HS6ST3: variants seen among roughly 807,000 people sequenced by gnomAD.
HS6ST3 encodes heparan sulfate 6-O-sulfotransferase 3, also known as heparan-sulfate 6-O-sulfotransferase 3.
In HS6ST3, 12 loss-of-function variants were observed where a neutral mutation model predicts 36.7. The ratio of observed to expected loss-of-function variants is 0.33; its 90% CI spans 0.21 to 0.53. The LOEUF (loss-of-function observed/expected upper bound fraction) is 0.53, where lower values mean the gene tolerates loss of function less well. Among genes scored for constraint, HS6ST3 ranks in the 20% least tolerant of loss-of-function variants. The probability of loss-of-function intolerance (pLI) is 0.95; values close to 1 mark genes in which losing one functional copy is unlikely to be tolerated. For synonymous variants in HS6ST3, 240 were observed against 257.5 expected (o/e 0.93, Z 0.65); for missense variants, 584 against 640.9 (o/e 0.91, Z 0.96).
intron 1 of HS6ST3, among the ~76,000 whole-genome samples, chr13:96,819,073 GA>G (rs1462304190): frequency 1.3e-5 from 2 of 152,186 alleles, no homozygotes; most frequent in Non-Finnish European, 2.9e-5. Flanking sequence ...CCACTATTTT[GA>G]AAACTAGTAA....
intron 1 of HS6ST3, among the ~76,000 whole-genome samples, chr13:96,643,097 T>A (rs974512717): frequency 6.6e-6 from 1 of 152,010 alleles, no homozygotes; most frequent in African/African-American, 2.4e-5. Flanking sequence ...CTTTTCTGAG[T>A]AAATTCTATA....
chr13:96,276,030 C>G (rs568470039), intron 1 of HS6ST3, among the ~76,000 whole-genome samples: 1 of 152,088 alleles, frequency 6.6e-6, no homozygotes, highest in Non-Finnish European at 1.5e-5. Context: ...TCCCATCATG[C>G]CTTGCCTCTC....
chr13:96,094,609 T>C (rs2053781113), intron 1 of HS6ST3, among the ~76,000 whole-genome samples: 1 of 152,094 alleles, frequency 6.6e-6, no homozygotes, highest in Admixed American at 6.5e-5. Flanking sequence ...AAAAACTATC[T>C]GGAATGGTGA....
chr13:96,243,587 G>A (rs2054571399), intron 1 of HS6ST3, among the ~76,000 whole-genome samples: 1 of 152,316 alleles, frequency 6.6e-6, no homozygotes, highest in South Asian at 2.1e-4. Context: ...AATAGCTGCT[G>A]TGTGTGTCAT....
At chr13:96,255,628 G>C (rs778992535) in intron 1 of HS6ST3, among the ~76,000 whole-genome samples, 1 of 152,122 alleles carries the variant, frequency 6.6e-6, no homozygotes, top group Non-Finnish European at 1.5e-5. Flanking sequence ...AGGAGATTCA[G>C]CAGGCAATTA....
chr13:96,349,526 T>TA (rs2055171942), intron 1 of HS6ST3, among the ~76,000 whole-genome samples: 1 of 152,214 alleles, frequency 6.6e-6, no homozygotes, highest in East Asian at 1.9e-4. Flanking sequence ...AGGGATATAA[T>TA]ACTTCAACCT....
chr13:96,113,317 C>A (rs2053879435), intron 1 of HS6ST3, among the ~76,000 whole-genome samples: 1 of 152,136 alleles, frequency 6.6e-6, no homozygotes, highest in Admixed American at 6.5e-5. Context: ...TGAGCAGGAG[C>A]TCAGTGACTT....
rs1318526673 is a variant in HS6ST3, at chr13:96,833,961, G to T, written c.*763G>T. On this transcript the variant is annotated 3_prime_UTR_variant, in exon 2 of 2. Transcript: ENST00000376705. ...CATTTAAGAGAAAACTTGCTTATTT[G>T]CTAATGCCTAAAGGGGTCTCACTTT... 1.3e-5 allele frequency: 2 copies of T among 152,060 alleles called. No homozygotes were observed. Among genetic ancestry groups the T allele is most frequent in the East Asian group, 3.8e-4 (2 of 5,198 alleles). The allele number at this position is 152,060 out of a possible 1,614,324, so 9.4% of individuals were successfully genotyped here. A position where few individuals can be genotyped will look rare whatever the true frequency, so the allele number is the denominator to read the frequency against.
chr13:96,099,525 A>G (rs76733906), intron 1 of HS6ST3, among the ~76,000 whole-genome samples: 1,663 of 152,350 alleles, frequency 0.011, 39 homozygotes, highest in African/African-American at 0.038. Flanking sequence ...TTAAACATAT[A>G]CAATTAAATT....
chr13:96,738,066 A>G (rs1306552649), intron 1 of HS6ST3, among the ~76,000 whole-genome samples: 1 of 152,202 alleles, frequency 6.6e-6, no homozygotes, highest in Non-Finnish European at 1.5e-5. Flanking sequence ...ATATAGTCAC[A>G]GGTTCTGTGG....
chr13:96,110,108 T>C (rs573034900), intron 1 of HS6ST3, among the ~76,000 whole-genome samples: 1 of 152,220 alleles, frequency 6.6e-6, no homozygotes, highest in African/African-American at 2.4e-5. Flanking sequence ...AGAAGTTTAT[T>C]TGGCTCACAG....
chr13:96,298,485 A>G (rs1402745261), intron 1 of HS6ST3, among the ~76,000 whole-genome samples: 1 of 152,212 alleles, frequency 6.6e-6, no homozygotes, highest in East Asian at 1.9e-4. Context: ...TCGTTGGCAA[A>G]GAACACTACT....
At chr13:96,599,950 C>T (rs974303705) in intron 1 of HS6ST3, among the ~76,000 whole-genome samples, 6 of 151,906 alleles carry the variant, frequency 3.9e-5, no homozygotes, top group Non-Finnish European at 5.9e-5. Context: ...TTGTGAGTTT[C>T]TCTTGGAATT....
At chr13:96,529,918 G>A (rs888447541) in intron 1 of HS6ST3, among the ~76,000 whole-genome samples, 2 of 152,134 alleles carry the variant, frequency 1.3e-5, no homozygotes, top group African/African-American at 2.4e-5. Flanking sequence ...AAGGCCAAGT[G>A]TGTCCAAATT....
chr13:96,445,812 G>A (rs1349160908), intron 1 of HS6ST3, among the ~76,000 whole-genome samples: 2 of 151,986 alleles, frequency 1.3e-5, no homozygotes, highest in Non-Finnish European at 2.9e-5. Context: ...AGGTTGCAGT[G>A]AGCCAAGATC....
intron 1 of HS6ST3, among the ~76,000 whole-genome samples, chr13:96,708,440 G>A (rs372582902): frequency 9.8e-5 from 15 of 152,288 alleles, no homozygotes; most frequent in Middle Eastern, 3.4e-3. Context: ...CAGGCCAATC[G>A]TCTTACAGAG....
At chr13:96,517,748 C>T (rs1367251479) in intron 1 of HS6ST3, among the ~76,000 whole-genome samples, 1 of 152,082 alleles carries the variant, frequency 6.6e-6, no homozygotes, top group Admixed American at 6.5e-5. Flanking sequence ...CTTCTCCCTC[C>T]TGCCACCCCC....
intron 1 of HS6ST3, among the ~76,000 whole-genome samples, chr13:96,744,006 C>T (rs1876503311): frequency 6.6e-6 from 1 of 151,746 alleles, no homozygotes. Context: ...CTGCCCCAAA[C>T]CTATGCATGT....
intron 1 of HS6ST3, among the ~76,000 whole-genome samples, chr13:96,542,542 T>C (rs1594803283): frequency 6.6e-6 from 1 of 152,160 alleles, no homozygotes; most frequent in East Asian, 1.9e-4. Context: ...TGTTCTCATA[T>C]TACTCCTAAT....
Sources: allele counts gnomAD v4.1 joint callset (sites outside exome capture counted in the v4.1 genomes callset), GRCh38; gene constraint gnomAD v4.1.1; transcripts MANE v1.5; gene names NCBI Gene and HGNC (gene_info 2026-07-23, HGNC 2026-07-21).